DLGAP5: variants seen among roughly 807,000 people sequenced by gnomAD.
DLGAP5 encodes DLG associated protein 5, also known as disks large-associated protein 5.
Under a neutral mutation model 99.6 loss-of-function variants are expected in DLGAP5, and 90 were observed. That is an observed-to-expected ratio of 0.90 (90% CI 0.76 to 1.08). DLGAP5 has a LOEUF of 1.08. Ranked by LOEUF, DLGAP5 falls within the 50% of genes least tolerant of loss-of-function variation. The pLI is 0.00. For missense variants in DLGAP5, 1,036 were observed against 983.5 expected (o/e 1.05, Z -0.71); for synonymous variants, 311 against 321.3 (o/e 0.97, Z 0.34).
chr14:55,154,127 C>A (rs187945169), intron 15 of DLGAP5, among the ~76,000 whole-genome samples: 4 of 152,114 alleles, frequency 2.6e-5, no homozygotes, highest in Admixed American at 1.3e-4. Flanking sequence ...TAACTCCCCC[C>A]CCTTCAATAT....
In DLGAP5 at chr14:55,158,562, A is replaced by G; in HGVS notation, c.1833T>C (p.Ala611=). 1 of 1,614,128 alleles carries G rather than the reference A, an allele frequency of 6.2e-7. No homozygotes were observed. Among genetic ancestry groups the G allele is most frequent in the Non-Finnish European group, 8.5e-7 (1 of 1,180,006 alleles). ...CAGGACTTTCAACTCTGAAAAATCC[A>G]GCATCGAACACTATTTTATCAACTT... ...PKEVDKIVFD[A]GFFRVESPVK... is the part of the protein sequence containing the mutation. Residue 611 remains alanine (A), a synonymous_variant, in exon 14 of 19, where the codon GCT becomes GCC. Transcript: ENST00000247191.
chr14:55,180,629 A>G, intron 6 of DLGAP5, 27 bp downstream of exon 6: 1 of 1,613,448 alleles, frequency 6.2e-7, no homozygotes, highest in Non-Finnish European at 8.5e-7. Context: ...ATTCTAGTTC[A>G]GTCACTGATC....
Position 55,148,151 on chromosome 14 carries a change from T to C in DLGAP5, c.*200A>G, listed in dbSNP as rs1881884357. On this transcript the variant is annotated 3_prime_UTR_variant, in exon 19 of 19. Coordinates refer to ENST00000247191, the MANE Select transcript of DLGAP5 (RefSeq NM_014750.5). ...GAGGCAAGGCACAGTACATTTTTTA[T>C]TCTGTGTTGAAAATGTACAAAATAT... The C allele has an allele frequency of 1.8e-6, 1 of 569,618 alleles. No homozygotes were observed. Among genetic ancestry groups the C allele is most frequent in the East Asian group, 3.1e-5 (1 of 31,832 alleles). The allele number at this position is 569,618 out of a possible 1,614,324, so 35.3% of individuals were successfully genotyped here.
At chr14:55,174,173 C>A (rs1203772831) in intron 10 of DLGAP5, among the ~76,000 whole-genome samples, 1 of 152,178 alleles carries the variant, frequency 6.6e-6, no homozygotes, top group African/African-American at 2.4e-5. Flanking sequence ...TAACTGGCCC[C>A]CTGGGCGTGG....
intron 17 of DLGAP5, 26 bp downstream of exon 17, chr14:55,151,669 G>A (rs369899749): frequency 9.2e-5 from 147 of 1,597,246 alleles, no homozygotes; most frequent in Middle Eastern, 1.7e-4. Flanking sequence ...ATAAAGGCTC[G>A]TTTAAATATA....
At chr14:55,162,142 T>C (rs1303523366) in intron 13 of DLGAP5, among the ~76,000 whole-genome samples, 2 of 152,002 alleles carry the variant, frequency 1.3e-5, no homozygotes, top group Admixed American at 6.6e-5. Flanking sequence ...AGATAATTAC[T>C]AGAAACAAGA....
At position 55,148,160 on chromosome 14, in the gene DLGAP5, G is replaced by GA; in HGVS notation, c.*190dup. On this transcript the variant is annotated 3_prime_UTR_variant, in exon 19 of 19. Coordinates refer to ENST00000247191, the MANE Select transcript of DLGAP5 (RefSeq NM_014750.5). ...CACAGTACATTTTTTATTCTGTGTT[G>GA]AAAATGTACAAAATATCCCCACTTC... is the stretch of plus-strand genomic sequence containing the variant. 1.6e-6 allele frequency: 1 copy of GA among 607,496 alleles called. No individual in the cohort carries two copies. The highest frequency in any genetic ancestry group is 3.1e-5 in the East Asian group (1 of 32,782). 37.6% of individuals were successfully genotyped at this position (607,496 alleles called of 1,614,324 possible). A position where few individuals can be genotyped will look rare whatever the true frequency, so the allele number is the denominator to read the frequency against.
intron 1 of DLGAP5, chr14:55,191,104 C>T (rs1406447354): frequency 6.6e-6 from 1 of 152,212 alleles, no homozygotes; most frequent in African/African-American, 2.4e-5. Context: ...TTTCCTCCAG[C>T]TTGAAAGTCC....
At chr14:55,155,620 T>A (rs1380700600) in intron 14 of DLGAP5, among the ~76,000 whole-genome samples, 8 of 151,962 alleles carry the variant, frequency 5.3e-5, no homozygotes, top group African/African-American at 1.9e-4. Flanking sequence ...AGTACTGGGA[T>A]TACAGGTGTG....
Position 55,162,959 on chromosome 14 carries a change from C to A in DLGAP5, c.1653+12G>T, listed in dbSNP as rs1268866397. On this transcript the variant is annotated intron_variant, in intron 13 of 18. Transcript: ENST00000247191. Reference sequence around the variant, plus strand: ...AAAAAAAAAAAATTGGATATAAAACCCACAAACTTACCCTAAAGACATTTT... The same window carrying A: ...AAAAAAAAAAAATTGGATATAAAACACACAAACTTACCCTAAAGACATTTT... The A allele has an allele frequency of 3.4e-6, 5 of 1,489,508 alleles. No homozygotes were observed. The highest frequency in any genetic ancestry group is 1.4e-5 in the South Asian group (1 of 73,280). The allele number at this position is 1,489,508 out of a possible 1,614,324, so 92.3% of individuals were successfully genotyped here. A position where few individuals can be genotyped will look rare whatever the true frequency, so the allele number is the denominator to read the frequency against.
chr14:55,172,858 T>G (rs560816473), intron 10 of DLGAP5, among the ~76,000 whole-genome samples: 125 of 151,602 alleles, frequency 8.2e-4, no homozygotes, highest in African/African-American at 2.9e-3. Context: ...GGCACACGCC[T>G]GTAATCCTGG....
intron 4 of DLGAP5, 23 bp from the exon 5 acceptor site, chr14:55,181,320 T>C: frequency 6.3e-7 from 1 of 1,588,346 alleles, no homozygotes; most frequent in Non-Finnish European, 8.6e-7. Flanking sequence ...TTAGGTGCTA[T>C]GTGATTTAAT....
chr14:55,170,350 G>C (rs2140317957), intron 11 of DLGAP5, among the ~76,000 whole-genome samples: 1 of 152,036 alleles, frequency 6.6e-6, no homozygotes, highest in South Asian at 2.1e-4. Context: ...AACAATATCA[G>C]ATATCAATTG....
chr14:55,176,834 C>T (rs960799825), intron 8 of DLGAP5, among the ~76,000 whole-genome samples: 10 of 151,666 alleles, frequency 6.6e-5, no homozygotes, highest in African/African-American at 1.9e-4. Flanking sequence ...AAAAATTAGC[C>T]GGGCGTGGTG....
intron 12 of DLGAP5, among the ~76,000 whole-genome samples, chr14:55,167,018 G>A (rs562586672): frequency 6.6e-6 from 1 of 152,028 alleles, no homozygotes; most frequent in East Asian, 1.9e-4. Flanking sequence ...CACTTTGGGG[G>A]CCGAGGCAGG....
At chr14:55,159,155 G>A (rs780159419) in intron 13 of DLGAP5, among the ~76,000 whole-genome samples, 4 of 152,014 alleles carry the variant, frequency 2.6e-5, no homozygotes, top group Non-Finnish European at 4.4e-5. Flanking sequence ...ATCAGGAAAG[G>A]TTGTAGGAAG....
intron 15 of DLGAP5, among the ~76,000 whole-genome samples, chr14:55,154,011 G>A (rs929121014): frequency 1.3e-5 from 2 of 152,178 alleles, no homozygotes; most frequent in Non-Finnish European, 2.9e-5. Flanking sequence ...AGCCGAAATC[G>A]TACCACTGCA....
rs774007246 is a variant in DLGAP5 at position 55,158,542 on chromosome 14, C to G, written c.1853G>C (p.Ser618Thr). 2.8e-5 allele frequency: 45 copies of G among 1,613,830 alleles called. No homozygotes were observed. Among genetic ancestry groups the G allele is most frequent in the Non-Finnish European group, 3.7e-5 (44 of 1,179,870 alleles). Residue 618 changes from serine (S) to threonine (T), a missense_variant, in exon 14 of 19, where the codon AGT (serine) becomes ACT (threonine). Ser to Thr is a moderately conservative substitution (Grantham distance 58, BLOSUM62 1). Coordinates refer to ENST00000247191, the MANE Select transcript of DLGAP5 (RefSeq NM_014750.5). ...VFDAGFFRVE[S>T]PVKLFSGLSV... ...CTAACCTGAGAATAATTTAACAGGA[C>G]TTTCAACTCTGAAAAATCCAGCATC...
chr14:55,157,744 C>T (rs1186655412), intron 14 of DLGAP5, among the ~76,000 whole-genome samples: 1 of 152,154 alleles, frequency 6.6e-6, no homozygotes, highest in Non-Finnish European at 1.5e-5. Flanking sequence ...GCAAATAAAA[C>T]CAAATCCACT....
Sources: gnomAD v4.1 joint callset for allele counts (sites outside exome capture counted in the v4.1 genomes callset) on GRCh38, gnomAD v4.1.1 for gene constraint, MANE v1.5 for transcripts, NCBI Gene and HGNC (gene_info 2026-07-23, HGNC 2026-07-21) for gene names.